The following CFAP47 variants were observed in gnomAD, a reference collection of about 807,000 sequenced individuals.
CFAP47 encodes cilia and flagella associated protein 47.
Under a neutral mutation model 148.1 loss-of-function variants are expected in CFAP47, and 29 were observed. That is an observed-to-expected ratio of 0.20 (90% CI 0.15 to 0.27). The LOEUF is 0.27. CFAP47 is among the 10% of genes least tolerant of loss of function. The pLI is 1.00. For missense variants in CFAP47, 1,872 were observed against 1,697.5 expected, an observed-to-expected ratio of 1.10 and a Z score of -1.81; for synonymous variants, 664 against 577.3, an observed-to-expected ratio of 1.15 and a Z score of -2.15.
chrX:36,173,078 T>C lies in CFAP47; in HGVS notation c.6027-6267T>C, dbSNP rs759987325. ...TCCATTTCTTCTAGATTTTCTAGTT[T>C]ATTTGCGTAGAGGTGTTTGTAGTAT... On this transcript the variant is annotated intron_variant, in intron 39 of 63. Transcript: ENST00000378653. Among the ~76,000 whole-genome samples the C allele has an allele frequency of 7.2e-3, 808 of 111,557 alleles. 6 individuals are homozygous for C. Among genetic ancestry groups the C allele is most frequent in the African/African-American group, 0.025 (760 of 30,710 alleles).
In CFAP47 at chrX:36,070,683, G is replaced by T. The variant is rs1937733844; in HGVS notation, c.4319-1142G>T. Among the ~76,000 whole-genome samples, 3 of 109,798 alleles carry T rather than the reference G, an allele frequency of 2.7e-5. No individual in the cohort carries two copies. The South Asian group carries it at 1.2e-3, about 44-fold the overall frequency. On this transcript the variant is annotated intron_variant, in intron 27 of 63. Transcript: ENST00000378653. ...ATTTTTGTATTTTTACTAGAGATGG[G>T]GTTTCACCATGTTGGCCAGGCTGGT...
rs11393119 is a variant in CFAP47 at position 36,300,294 on chromosome X, A to ATT, written c.7863-766_7863-765dup. Among the ~76,000 whole-genome samples the ATT allele has an allele frequency of 6.9e-3, 692 of 100,682 alleles. 5 individuals are homozygous for ATT. Among genetic ancestry groups the ATT allele is most frequent in the African/African-American group, 0.023 (635 of 27,283 alleles). 87.4% of individuals were successfully genotyped at this position (100,682 alleles called of 115,157 possible). On this transcript the variant is annotated intron_variant, in intron 52 of 63. Coordinates refer to ENST00000378653, the MANE Select transcript of CFAP47 (RefSeq NM_001304548.2). Reference sequence around the variant, plus strand: ...CTGAGATACCATCCCAGTTATACTTATTTTTTTTTTTTTGAGACAGAGTCT... The same window carrying ATT: ...CTGAGATACCATCCCAGTTATACTTATTTTTTTTTTTTTTTGAGACAGAGTCT...
chrX:36,006,468 G>A (rs768524283), intron 21 of CFAP47, among the ~76,000 whole-genome samples: 1 of 111,934 alleles, frequency 8.9e-6, no homozygotes, highest in African/African-American at 3.2e-5. Context: ...AAGGCAGATT[G>A]ATTATCTGGT....
intron 49 of CFAP47, among the ~76,000 whole-genome samples, chrX:36,277,029 G>T (rs1031503022): frequency 9.0e-5 from 10 of 111,527 alleles, no homozygotes; most frequent in Non-Finnish European, 1.3e-4. Flanking sequence ...CATGACTGTG[G>T]GACAATGAGA....
intron 28 of CFAP47, 132 bp from the exon 29 acceptor site, chrX:36,073,007 C>A: frequency 2.2e-6 from 1 of 453,816 alleles, no homozygotes; most frequent in Admixed American, 4.2e-5. Context: ...TAAATTGACT[C>A]AGAATTTCTT....
At chrX:36,234,560 A>C (rs183556331) in intron 46 of CFAP47, among the ~76,000 whole-genome samples, 54 of 111,721 alleles carry the variant, frequency 4.8e-4, no homozygotes, top group South Asian at 1.8e-3. Flanking sequence ...TTTGGTTTGA[A>C]TTTCCTCCTG....
chrX:35,925,810 C>A (rs112270190), intron 1 of CFAP47, among the ~76,000 whole-genome samples: 1,677 of 111,766 alleles, frequency 0.015, 28 homozygotes, highest in African/African-American at 0.051. Context: ...CTGCACACCA[C>A]CACGCCCGGC....
chrX:35,939,843 A>C (rs1242601938), intron 2 of CFAP47, among the ~76,000 whole-genome samples: 6 of 98,236 alleles, frequency 6.1e-5, no homozygotes, highest in African/African-American at 2.3e-4. Flanking sequence ...TGGTATTTCT[A>C]GTTCTAGATC....
chrX:36,364,426 T>G (rs2146992576), intron 61 of CFAP47, among the ~76,000 whole-genome samples: 1 of 98,805 alleles, frequency 1.0e-5, no homozygotes, highest in East Asian at 3.2e-4. Context: ...GAAAGTAAAT[T>G]TCAGATTGTC....
chrX:36,365,058 A>C (rs1556020025), intron 61 of CFAP47, among the ~76,000 whole-genome samples: 1 of 106,816 alleles, frequency 9.4e-6, no homozygotes, highest in Admixed American at 1.0e-4. Context: ...CAGTGGCTCT[A>C]AATTGTGGAA....
Position 36,017,913 on chromosome X carries a change from T to C in CFAP47, c.3556+3001T>C, listed in dbSNP as rs755303863. 4.5e-5 allele frequency among the ~76,000 whole-genome samples: 5 copies of C among 111,545 alleles called. No individual in the cohort carries two copies. In the East Asian group the frequency reaches 1.4e-3, roughly 31 times the overall value. ...CAATTTCTGTGAAGAATGTCATTGGTATTTTGATAGGGATTAGATTGACTC... is the reference window on the plus strand; with the variant it reads ...CAATTTCTGTGAAGAATGTCATTGGCATTTTGATAGGGATTAGATTGACTC... On this transcript the variant is annotated intron_variant, in intron 22 of 63. Coordinates refer to ENST00000378653, the MANE Select transcript of CFAP47 (RefSeq NM_001304548.2).
At chrX:36,021,040 TTCCTTTTAA>T (rs1937151592) in intron 22 of CFAP47, among the ~76,000 whole-genome samples, 2 of 111,273 alleles carry the variant, frequency 1.8e-5, no homozygotes, top group African/African-American at 3.3e-5. Context: ...CTGATAACCT[TTCCTTTTAA>T]GCTAATAACA....
At chrX:36,294,767 T>G (rs917886905) in intron 51 of CFAP47, among the ~76,000 whole-genome samples, 1 of 111,537 alleles carries the variant, frequency 9.0e-6, no homozygotes, top group Non-Finnish European at 1.9e-5. Flanking sequence ...TGTATAAATA[T>G]ATATATAAAT....
At chrX:36,097,018 A>G (rs1362060962) in intron 30 of CFAP47, among the ~76,000 whole-genome samples, 3 of 110,961 alleles carry the variant, frequency 2.7e-5, no homozygotes, top group Non-Finnish European at 5.7e-5. Context: ...GTTTGTGGTT[A>G]CCATGAGGCT....
intron 57 of CFAP47, among the ~76,000 whole-genome samples, chrX:36,323,828 C>T (rs1262452286): frequency 1.8e-5 from 2 of 111,549 alleles, no homozygotes; most frequent in African/African-American, 6.5e-5. Flanking sequence ...TAGATTGGAG[C>T]TCTAGCCACT....
chrX:36,085,386 C>A lies in CFAP47; in HGVS notation c.4764C>A (p.Ser1588=). ...AGTTTTCCAGACAGAATGACTTTTC[C>A]AAATATAATAAGACCATTTATGATG... ...PQKFSRQNDF[S]KYNKTIYDVL... Residue 1588 remains serine, a synonymous_variant, in exon 30 of 64, where the codon TCC becomes TCA. Coordinates refer to ENST00000378653, the MANE Select transcript of CFAP47 (RefSeq NM_001304548.2). 8.3e-7 allele frequency: 1 copy of A among 1,207,366 alleles called. No individual in the cohort carries two copies. The highest frequency in any genetic ancestry group is 1.1e-6 in the Non-Finnish European group (1 of 892,684).
chrX:36,312,448 C>A (rs1313300378), intron 56 of CFAP47, among the ~76,000 whole-genome samples: 1 of 110,312 alleles, frequency 9.1e-6, no homozygotes, highest in Non-Finnish European at 1.9e-5. Flanking sequence ...GGATTTAAAT[C>A]ATAAATTTAG....
intron 22 of CFAP47, among the ~76,000 whole-genome samples, chrX:36,026,131 C>A (rs1038627133): frequency 9.0e-6 from 1 of 111,562 alleles, no homozygotes; most frequent in Non-Finnish European, 1.9e-5. Context: ...TATTATATAA[C>A]TTAACCAAAA....
At position 36,350,083 on chromosome X, in the gene CFAP47, A is replaced by G. The variant is rs1241494508; in HGVS notation, c.8649A>G (p.Ile2883Met). The G allele has an allele frequency of 1.5e-5, 18 of 1,163,335 alleles. No homozygotes were observed. The highest frequency in any genetic ancestry group is 2.1e-5 in the Non-Finnish European group (18 of 869,330). The change falls in exon 59 of 64, where the codon ATA (isoleucine) becomes ATG (methionine). Residue 2883 changes from isoleucine to methionine, a missense_variant. Transcript: ENST00000378653. ...AAGAAATCCAAGCAATACACTGGATATACCCTATTGTTGGACTCCCACAAG... is the reference window on the plus strand; with the variant it reads ...AAGAAATCCAAGCAATACACTGGATGTACCCTATTGTTGGACTCCCACAAG... ...DSEEIQAIHW[I>M]YPIVGLPQAP... is the part of the protein sequence containing the mutation.
Sources: allele counts gnomAD v4.1 joint callset (sites outside exome capture counted in the v4.1 genomes callset), GRCh38; gene constraint gnomAD v4.1.1; transcripts MANE v1.5; gene names NCBI Gene and HGNC (gene_info 2026-07-23, HGNC 2026-07-21).